Variants in DPP9 observed in about 807,000 individuals in gnomAD.
DPP9 encodes dipeptidyl peptidase IV-related protein-2.
In DPP9, 50 loss-of-function variants were observed where a neutral mutation model predicts 110.7. That is an observed-to-expected ratio of 0.45 (90% CI 0.36 to 0.57). DPP9 has a LOEUF of 0.57. DPP9 is among the 20% of genes least tolerant of loss of function. DPP9 has a pLI of 0.00. For synonymous variants in DPP9, 561 were observed against 514.4 expected (o/e 1.09, Z -1.23); for missense variants, 1,022 against 1,217.9 (o/e 0.84, Z 2.39).
At position 4,684,563 on chromosome 19, in the gene DPP9, G is replaced by T. The variant is rs933361639; in HGVS notation, c.2178+100C>A. The stretch of plus-strand genomic sequence containing the variant: ...ACCCCAGCCAGAAGTGCCCTTCTGC[G>T]GGTGGTATTCCAGAGCCGCTCCCAT... On this transcript the variant is annotated intron_variant, in intron 18 of 21. Coordinates refer to ENST00000262960, the MANE Select transcript of DPP9 (RefSeq NM_139159.5). The surrounding 1 kb of genome is among the most constrained non-coding windows in gnomAD (Gnocchi z 4.8). 3.6e-6 allele frequency: 5 copies of T among 1,400,882 alleles called. No individual in the cohort carries two copies. The highest frequency in any genetic ancestry group is 1.5e-5 in the African/African-American group (1 of 68,496). The allele number at this position is 1,400,882 out of a possible 1,614,324, so 86.8% of individuals were successfully genotyped here. A position where few individuals can be genotyped will look rare whatever the true frequency, so the allele number is the denominator to read the frequency against.
At chr19:4,681,928 A>G (rs972959455) in intron 20 of DPP9, among the ~76,000 whole-genome samples, 1 of 136,286 alleles carries the variant, frequency 7.3e-6, no homozygotes, top group African/African-American at 2.8e-5. Context: ...GGCTCACTGC[A>G]AGCTCCGCCT....
chr19:4,695,194 C>G lies in DPP9; in HGVS notation c.1353+184G>C, dbSNP rs950772334. 3.5e-5 allele frequency: 22 copies of G among 629,630 alleles called. No individual in the cohort carries two copies. The highest frequency in any genetic ancestry group is 5.6e-5 in the Non-Finnish European group (21 of 376,022). 39.0% of individuals were successfully genotyped at this position (629,630 alleles called of 1,614,324 possible). On this transcript the variant is annotated intron_variant, in intron 12 of 21. Transcript: ENST00000262960. This position sits in a 1 kb window ranked among gnomAD's most constrained non-coding sequence, Gnocchi z 4.7. ...TGAGGGGAGAGGCTCCAATGGCTGC[C>G]AGACTCACCAACCCCCCTAGACCCT...
At chr19:4,688,465 C>G (rs1162079960) in intron 16 of DPP9, 1 of 355,120 alleles carries the variant, frequency 2.8e-6, no homozygotes, top group African/African-American at 2.1e-5. Flanking sequence ...GTGACAGGGT[C>G]TGTGTCTCAC....
intron 8 of DPP9, 75 bp from the exon 9 acceptor site, chr19:4,702,230 G>A: frequency 6.6e-7 from 1 of 1,514,538 alleles, no homozygotes; most frequent in Non-Finnish European, 8.9e-7. Flanking sequence ...CCCGCCCCCT[G>A]CAGCACCGGG....
At chr19:4,722,461 C>A (rs1244704728) in intron 2 of DPP9, 38 bp downstream of exon 2, 1 of 702,536 alleles carries the variant, frequency 1.4e-6, no homozygotes, top group Admixed American at 2.0e-5. Flanking sequence ...CAGCCCACAC[C>A]CCAGCCTTCC....
chr19:4,715,243 G>A (rs138854784), intron 3 of DPP9, among the ~76,000 whole-genome samples: 2,088 of 151,878 alleles, frequency 0.014, 22 homozygotes, highest in Middle Eastern at 0.024. Flanking sequence ...GGCTGCTCTC[G>A]AACTCCTGAC....
At position 4,687,837 on chromosome 19, in the gene DPP9, G is replaced by A. The variant is rs1007058126; in HGVS notation, c.1885+920C>T. Among the ~76,000 whole-genome samples, 23 of 151,824 alleles carry A rather than the reference G, an allele frequency of 1.5e-4. No homozygotes were observed. The highest frequency in any genetic ancestry group is 3.3e-4 in the Admixed American group (5 of 15,234). ...TTTTGAGACGGAGTCTCGCTCTGTC[G>A]CCCAGGCTAAAGTACAGTGGTGCGA... is the stretch of plus-strand genomic sequence containing the variant. On this transcript the variant is annotated intron_variant, in intron 16 of 21. Transcript: ENST00000262960. This position sits in a 1 kb window ranked among gnomAD's most constrained non-coding sequence, Gnocchi z 4.7.
intron 2 of DPP9, among the ~76,000 whole-genome samples, chr19:4,721,606 C>G (rs1301214592): frequency 6.6e-6 from 1 of 152,206 alleles, no homozygotes; most frequent in Non-Finnish European, 1.5e-5. Flanking sequence ...CATGGTGAAA[C>G]TCCAGCTCTA....
At position 4,697,582 on chromosome 19, in the gene DPP9, C is replaced by T. The variant is rs546746898; in HGVS notation, c.1144G>A (p.Ala382Thr). Reference protein sequence around the residue: ...SSLFPKVEYIARAGWTRDGKY... With the variant: ...SSLFPKVEYITRAGWTRDGKY... ...CCATCCCGGGTCCACCCGGCCCTGG[C>T]GATGTACTCCACCTTCGGGAACAGC... Residue 382 changes from alanine (A) to threonine (T), a missense_variant, in exon 11 of 22, where the codon GCC becomes ACC. Physicochemically the swap from Ala to Thr is moderately conservative, Grantham distance 58. Transcript: ENST00000262960. 3.5e-5 allele frequency: 57 copies of T among 1,613,854 alleles called. No homozygotes were observed. In the South Asian group the frequency reaches 5.7e-4, roughly 16 times the overall value.
chr19:4,695,153 TAAAG>T lies in DPP9; in HGVS notation c.1353+221_1353+224del. On this transcript the variant is annotated intron_variant, in intron 12 of 21. Transcript: ENST00000262960. This position sits in a 1 kb window ranked among gnomAD's most constrained non-coding sequence, Gnocchi z 4.7. Reference sequence around the variant, plus strand: ...GCAACAGAGCAACCCTGTCTCTAATTAAAGAAAAAAATAGATGAGGGGAGAGGCT... The same window carrying T: ...GCAACAGAGCAACCCTGTCTCTAATTAAAAAAATAGATGAGGGGAGAGGCT... 4 of 573,778 alleles carry T rather than the reference TAAAG, an allele frequency of 7.0e-6. No individual in the cohort carries two copies. Among genetic ancestry groups the T allele is most frequent in the Non-Finnish European group, 9.1e-6 (3 of 331,398 alleles). 35.5% of individuals were successfully genotyped at this position (573,778 alleles called of 1,614,324 possible). A position where few individuals can be genotyped will look rare whatever the true frequency, so the allele number is the denominator to read the frequency against.
Position 4,684,128 on chromosome 19 carries a change from CAT to C in DPP9, c.2179-501_2179-500del, listed in dbSNP as rs1192133862. 2.3e-5 allele frequency: 7 copies of C among 301,058 alleles called. No homozygotes were observed. Among genetic ancestry groups the C allele is most frequent in the African/African-American group, 1.3e-4 (6 of 46,176 alleles). The allele number at this position is 301,058 out of a possible 1,614,324, so 18.6% of individuals were successfully genotyped here. ...AAGCGACTGATCCATGGGGCCCACT[CAT>C]GTGAATGGGATGAGGGGCCCTTATA... On this transcript the variant is annotated intron_variant, in intron 18 of 21. Transcript: ENST00000262960. This position sits in a 1 kb window ranked among gnomAD's most constrained non-coding sequence, Gnocchi z 4.8.
chr19:4,716,022 T>G (rs1170698021), intron 3 of DPP9: 3 of 152,248 alleles, frequency 2.0e-5, no homozygotes, highest in African/African-American at 7.2e-5. Context: ...CTGGTCTCGC[T>G]TCCCTTTGTG....
intron 3 of DPP9, chr19:4,719,111 C>T (rs2006231): frequency 0.38 from 58,226 of 151,748 alleles, 11,573 homozygotes; most frequent in Middle Eastern, 0.54. Context: ...GGGCAGATCA[C>T]AAGGTCAGGT....
At position 4,684,781 on chromosome 19, in the gene DPP9, C is replaced by A. The variant is rs769201161; in HGVS notation, c.2060G>T (p.Gly687Val). 1.2e-6 allele frequency: 2 copies of A among 1,600,182 alleles called. No homozygotes were observed. Among genetic ancestry groups the A allele is most frequent in the South Asian group, 1.1e-5 (1 of 88,602 alleles). The change falls in exon 18 of 22, where the codon GGC (glycine) becomes GTC (valine). Residue 687 changes from glycine to valine, a missense_variant. This residue lies in a region of DPP9 where 209 missense variants were observed against 280.4 expected (regional missense o/e 0.75). Transcript: ENST00000262960. The surrounding 1 kb of genome is among the most constrained non-coding windows in gnomAD (Gnocchi z 4.8). ...QVQLVNNSFKGIKYLRLNTLA... is the reference protein window; with the variant it reads ...QVQLVNNSFKVIKYLRLNTLA... ...TGTGTTGAGCCGCAAGTACTTGATG[C>A]CTTTGAAGGAGTTATTCACCAGCTG...
intron 2 of DPP9, among the ~76,000 whole-genome samples, chr19:4,721,756 T>C (rs2093332604): frequency 6.6e-6 from 1 of 152,116 alleles, no homozygotes; most frequent in South Asian, 2.1e-4. Context: ...ACTCCAGGGG[T>C]GACAGAGCGA....
chr19:4,706,608 G>T (rs980517901), intron 4 of DPP9, among the ~76,000 whole-genome samples: 12 of 152,120 alleles, frequency 7.9e-5, no homozygotes, highest in African/African-American at 2.9e-4. Flanking sequence ...TTGAGGTCAG[G>T]AGTTCGAGAC....
Position 4,700,291 on chromosome 19 carries a change from A to C in DPP9, c.1013-14T>G. ...GATTCTTGCTGCCTGCAAAAACCGAAGTGAGGTGAACACCAGGCAGGCATC... is the reference window on the plus strand; with the variant it reads ...GATTCTTGCTGCCTGCAAAAACCGACGTGAGGTGAACACCAGGCAGGCATC... On this transcript the variant is annotated splice_polypyrimidine_tract_variant and intron_variant, in intron 9 of 21. Coordinates refer to ENST00000262960, the MANE Select transcript of DPP9 (RefSeq NM_139159.5). The surrounding 1 kb of genome is among the most constrained non-coding windows in gnomAD (Gnocchi z 4.3). 1 of 1,596,776 alleles carries C rather than the reference A, an allele frequency of 6.3e-7. No homozygotes were observed. The highest frequency in any genetic ancestry group is 1.7e-5 in the Admixed American group (1 of 59,078).
chr19:4,683,882 T>C, intron 18 of DPP9: 2 of 1,437,166 alleles, frequency 1.4e-6, no homozygotes, highest in Non-Finnish European at 1.9e-6. Flanking sequence ...AGGGCGTCAG[T>C]TTGCCCATCC....
intron 3 of DPP9, 93 bp from the exon 4 acceptor site, chr19:4,714,430 C>A (rs2092981322): frequency 2.1e-6 from 3 of 1,415,770 alleles, no homozygotes; most frequent in East Asian, 5.1e-5. Flanking sequence ...CAGGTTCTTC[C>A]AGACGAGCCC....
Sources: allele counts gnomAD v4.1 joint callset (sites outside exome capture counted in the v4.1 genomes callset), GRCh38; gene constraint gnomAD v4.1.1; regional missense constraint gnomAD v4.1.1; non-coding constraint Gnocchi (gnomAD v3.1); transcripts MANE v1.5; gene names NCBI Gene and HGNC (gene_info 2026-07-23, HGNC 2026-07-21).